The following CTNNA3 variants were observed in gnomAD, a reference collection of about 807,000 sequenced individuals.
CTNNA3 encodes catenin alpha 3, also known as catenin alpha-3.
Under a neutral mutation model 95.7 loss-of-function variants are expected in CTNNA3, and 76 were observed. The ratio of observed to expected loss-of-function variants is 0.79; its 90% CI spans 0.66 to 0.96. The LOEUF (loss-of-function observed/expected upper bound fraction) is 0.96, where lower values mean the gene tolerates loss of function less well. Ranked by LOEUF, CTNNA3 falls within the 40% of genes least tolerant of loss-of-function variation. The pLI is 0.00. For missense variants in CTNNA3, 1,191 were observed against 1,089.8 expected (o/e 1.09, Z -1.31); for synonymous variants, 431 against 374.4 (o/e 1.15, Z -1.74).
intron 7 of CTNNA3, among the ~76,000 whole-genome samples, chr10:66,999,627 G>A (rs79146677): frequency 1.5e-3 from 234 of 152,086 alleles, no homozygotes; most frequent in African/African-American, 5.1e-3. Context: ...TGGTGCTTCC[G>A]GAAACATAAA....
intron 7 of CTNNA3, among the ~76,000 whole-genome samples, chr10:66,808,645 T>C (rs1841753407): frequency 1.3e-5 from 2 of 152,146 alleles, no homozygotes; most frequent in South Asian, 2.1e-4. Flanking sequence ...TGTGATGATA[T>C]CTCGTGCCAT....
At chr10:67,407,795 C>A (rs1845196514) in intron 5 of CTNNA3, among the ~76,000 whole-genome samples, 1 of 152,180 alleles carries the variant, frequency 6.6e-6, no homozygotes, top group African/African-American at 2.4e-5. Flanking sequence ...AGAGCCAAAT[C>A]ATAAATGAAC....
intron 7 of CTNNA3, among the ~76,000 whole-genome samples, chr10:66,859,525 G>A (rs1471423035): frequency 2.0e-5 from 3 of 151,854 alleles, no homozygotes; most frequent in Non-Finnish European, 4.4e-5. Context: ...AACAGGTGCT[G>A]GAGAGGATGT....
rs139270757 is a variant in CTNNA3, at chr10:66,870,794, C to T, written c.1048-95270G>A. 7.9e-5 allele frequency among the ~76,000 whole-genome samples: 12 copies of T among 152,246 alleles called. No homozygotes were observed. The East Asian group carries it at 1.9e-3, about 24-fold the overall frequency. On this transcript the variant is annotated intron_variant, in intron 7 of 17. Transcript: ENST00000433211. ...AGTTCAAATTTTTTCCTTTGCTGCACATTTGTTTATGATTTTCTTTGTAGG... is the reference window on the plus strand; with the variant it reads ...AGTTCAAATTTTTTCCTTTGCTGCATATTTGTTTATGATTTTCTTTGTAGG...
At chr10:66,598,357 A>C (rs1340805454) in intron 10 of CTNNA3, among the ~76,000 whole-genome samples, 1 of 152,090 alleles carries the variant, frequency 6.6e-6, no homozygotes, top group Non-Finnish European at 1.5e-5. Flanking sequence ...GAATAAGACA[A>C]GGATGCCCAT....
At chr10:66,681,019 G>A (rs1847049385) in intron 9 of CTNNA3, among the ~76,000 whole-genome samples, 1 of 152,140 alleles carries the variant, frequency 6.6e-6, no homozygotes, top group East Asian at 1.9e-4. Context: ...CTGTGTATAT[G>A]GCACAGAGGT....
At chr10:67,269,183 A>T (rs1404245070) in intron 5 of CTNNA3, among the ~76,000 whole-genome samples, 1 of 152,168 alleles carries the variant, frequency 6.6e-6, no homozygotes, top group Non-Finnish European at 1.5e-5. Flanking sequence ...GAGTCAAGTT[A>T]ACCTTTTTAT....
intron 11 of CTNNA3, among the ~76,000 whole-genome samples, chr10:66,420,047 T>G (rs964756555): frequency 1.3e-5 from 2 of 152,038 alleles, no homozygotes; most frequent in African/African-American, 4.8e-5. Flanking sequence ...GAGACTATAT[T>G]AAAATCAAAA....
intron 6 of CTNNA3, among the ~76,000 whole-genome samples, chr10:67,214,024 T>C (rs1001625703): frequency 6.6e-6 from 1 of 151,858 alleles, no homozygotes; most frequent in African/African-American, 2.4e-5. Context: ...TCTTAAGTGT[T>C]AGATGTGTTT....
At chr10:67,514,262 T>C (rs139708511) in intron 5 of CTNNA3, among the ~76,000 whole-genome samples, 1,607 of 152,288 alleles carry the variant, frequency 0.011, 34 homozygotes, top group African/African-American at 0.037. Context: ...ATTGTGCCAC[T>C]GCACTCCAGC....
chr10:67,542,845 A>T (rs753962707), intron 3 of CTNNA3, among the ~76,000 whole-genome samples: 4 of 152,142 alleles, frequency 2.6e-5, no homozygotes, highest in Non-Finnish European at 5.9e-5. Flanking sequence ...TTCTGACAGG[A>T]GAAAATGGTT....
intron 5 of CTNNA3, among the ~76,000 whole-genome samples, chr10:67,294,215 G>T (rs1839947847): frequency 6.6e-6 from 1 of 151,952 alleles, no homozygotes; most frequent in Non-Finnish European, 1.5e-5. Context: ...ACTGTTTGCT[G>T]AAAAAAATAA....
intron 3 of CTNNA3, among the ~76,000 whole-genome samples, chr10:67,592,081 T>C (rs533290078): frequency 7.2e-4 from 110 of 152,252 alleles, no homozygotes; most frequent in African/African-American, 2.3e-3. Flanking sequence ...TTCTGAATGA[T>C]GTCTTTTAAC....
At chr10:67,280,080 G>A (rs1839337844) in intron 5 of CTNNA3, among the ~76,000 whole-genome samples, 1 of 150,478 alleles carries the variant, frequency 6.6e-6, no homozygotes, top group African/African-American at 2.5e-5. Context: ...GGCATGCTGA[G>A]TTCTTTTAAA....
At chr10:66,874,701 C>A (rs1000420923) in intron 7 of CTNNA3, among the ~76,000 whole-genome samples, 3 of 152,120 alleles carry the variant, frequency 2.0e-5, no homozygotes, top group Non-Finnish European at 2.9e-5. Flanking sequence ...TGGTATATAC[C>A]AATCTATATA....
chr10:66,832,183 G>T (rs11815288), intron 7 of CTNNA3, among the ~76,000 whole-genome samples: 3,883 of 152,142 alleles, frequency 0.026, 63 homozygotes, highest in South Asian at 0.04. Flanking sequence ...CACTCATTTT[G>T]GCAGAAAAAA....
At chr10:67,059,492 AAT>A (rs1353796443) in intron 7 of CTNNA3, among the ~76,000 whole-genome samples, 1 of 152,236 alleles carries the variant, frequency 6.6e-6, no homozygotes, top group Non-Finnish European at 1.5e-5. Flanking sequence ...GGTCGAAGGT[AAT>A]ATGAAATTTA....
intron 9 of CTNNA3, among the ~76,000 whole-genome samples, chr10:66,716,952 G>A (rs144764125): frequency 3.8e-4 from 57 of 151,596 alleles, no homozygotes; most frequent in African/African-American, 1.4e-3. Context: ...TTAATCAACT[G>A]ACTTTAATTA....
chr10:65,954,896 A>G (rs2077697392), intron 17 of CTNNA3, among the ~76,000 whole-genome samples: 1 of 152,168 alleles, frequency 6.6e-6, no homozygotes, highest in Non-Finnish European at 1.5e-5. Context: ...TATGAGCTTT[A>G]AAGTATTTTT....
Sources: gnomAD v4.1 joint callset for allele counts (sites outside exome capture counted in the v4.1 genomes callset) on GRCh38, gnomAD v4.1.1 for gene constraint, MANE v1.5 for transcripts, NCBI Gene and HGNC (gene_info 2026-07-23, HGNC 2026-07-21) for gene names.